Variants in C5 observed in about 807,000 individuals in gnomAD.
C5 encodes C3 and PZP-like alpha-2-macroglobulin domain-containing protein 4.
C5 carries 140 observed loss-of-function variants against 218.8 expected under a neutral mutation model. The observed-to-expected ratio is 0.64, with a 90% CI of 0.56 to 0.74. The LOEUF (loss-of-function observed/expected upper bound fraction) is 0.74, where lower values mean the gene tolerates loss of function less well. Ranked by LOEUF, C5 falls within the 30% of genes least tolerant of loss-of-function variation. The pLI, the probability that C5 is intolerant of heterozygous loss-of-function variation, is 0.00. For synonymous variants in C5, 614 were observed against 682.3 expected, an observed-to-expected ratio of 0.90 and a Z score of 1.56; for missense variants, 1,700 against 1,969.6, an observed-to-expected ratio of 0.86 and a Z score of 2.59.
chr9:121,038,078 GA>G (rs942074038), intron 3 of C5, 127 bp from the exon 4 acceptor site: 1 of 523,616 alleles, frequency 1.9e-6, no homozygotes, highest in Non-Finnish European at 3.5e-6. Context: ...GTCCATATTT[GA>G]AAAAAACAAA....
intron 3 of C5, 28 bp downstream of exon 3, chr9:121,042,976 C>A (rs745798499): frequency 6.3e-7 from 1 of 1,587,904 alleles, no homozygotes; most frequent in South Asian, 1.1e-5. Context: ...AATCCCCCAC[C>A]CAGAGGAAGA....
chr9:121,002,332 A>G (rs1411380574), intron 20 of C5, among the ~76,000 whole-genome samples: 2 of 122,070 alleles, frequency 1.6e-5, no homozygotes, highest in African/African-American at 5.7e-5. Flanking sequence ...ATATATATAT[A>G]TATATATATA....
In C5 at chr9:121,046,257, A is replaced by G. The variant is rs371656197; in HGVS notation, c.192T>C (p.Phe64=). The change falls in exon 2 of 41, where the codon TTT becomes TTC. Residue 64 remains phenylalanine (F), a synonymous_variant. Transcript: ENST00000223642. The part of the protein sequence containing the change: ...ISIKSYPDKK[F]SYSSGHVHLS... Reference sequence around the variant, plus strand: ...AATGAACATGGCCTGAGGAGTAACTAAATTTTTTATCAGGATAACTTTTAA... The same window carrying G: ...AATGAACATGGCCTGAGGAGTAACTGAATTTTTTATCAGGATAACTTTTAA... 4 of 1,608,952 alleles carry G rather than the reference A, an allele frequency of 2.5e-6. No homozygotes were observed. Among genetic ancestry groups the G allele is most frequent in the South Asian group, 2.2e-5 (2 of 90,718 alleles).
intron 2 of C5, among the ~76,000 whole-genome samples, chr9:121,044,759 T>A (rs996827297): frequency 6.6e-5 from 10 of 152,292 alleles, no homozygotes; most frequent in South Asian, 2.1e-4. Flanking sequence ...GACAGAAATA[T>A]TCTATATCTA....
rs2046981467 is a variant in C5 at position 120,980,190 on chromosome 9, C to G, written c.3551G>C (p.Ser1184Thr). 6.2e-7 allele frequency: 1 copy of G among 1,614,092 alleles called. No homozygotes were observed. The highest frequency in any genetic ancestry group is 1.1e-5 in the South Asian group (1 of 91,074). Residue 1184 changes from serine to threonine, a missense_variant, in exon 28 of 41, where the codon AGC becomes ACC. Ser to Thr is a moderately conservative substitution (Grantham distance 58, BLOSUM62 1). Coordinates refer to ENST00000223642, the MANE Select transcript of C5 (RefSeq NM_001735.3). ...CGCAGAAATGGCCAATGTAAAGGTG[C>G]TCTGGGCTGGCAGTGTATTTTCAAG... ...FLLENTLPAQ[S>T]TFTLAISAYA...
chr9:121,039,380 T>C (rs564894051), intron 3 of C5, among the ~76,000 whole-genome samples: 14 of 152,220 alleles, frequency 9.2e-5, no homozygotes, highest in African/African-American at 3.4e-4. Flanking sequence ...GGCTTACACC[T>C]GGAATCCCAG....
chr9:120,984,479 C>T (rs1372517218), intron 25 of C5, among the ~76,000 whole-genome samples: 1 of 152,094 alleles, frequency 6.6e-6, no homozygotes, highest in Non-Finnish European at 1.5e-5. Context: ...GGAAGTCTCT[C>T]TTCTTTTAGC....
chr9:121,068,457 C>T, the C5 span, among the ~76,000 whole-genome samples: 1 of 151,944 alleles, frequency 6.6e-6, no homozygotes, highest in Non-Finnish European at 1.5e-5. Context: ...AACTACAAAA[C>T]ACTGATGGAA....
In C5 at chr9:121,034,958, T is replaced by C. The variant is rs1450183404; in HGVS notation, c.493-64A>G. On this transcript the variant is annotated intron_variant, in intron 4 of 40. Coordinates refer to ENST00000223642, the MANE Select transcript of C5 (RefSeq NM_001735.3). Reference sequence around the variant, plus strand: ...ACATTTTAAAAAATTTAACTGATTATACAATCTTTGATGTACAAAATATTT... The same window carrying C: ...ACATTTTAAAAAATTTAACTGATTACACAATCTTTGATGTACAAAATATTT... The C allele has an allele frequency of 2.2e-5, 17 of 781,000 alleles. No homozygotes were observed. The East Asian group carries it at 4.2e-4, about 19-fold the overall frequency. The allele number at this position is 781,000 out of a possible 1,614,324, so 48.4% of individuals were successfully genotyped here. A position where few individuals can be genotyped will look rare whatever the true frequency, so the allele number is the denominator to read the frequency against.
intron 40 of C5, 44 bp from the exon 41 acceptor site, chr9:120,952,912 A>G (rs1021997536): frequency 1.2e-6 from 2 of 1,607,542 alleles, no homozygotes; most frequent in African/African-American, 2.7e-5. Flanking sequence ...CAAAACAGAA[A>G]AGCTGAATTT....
intron 19 of C5, 140 bp downstream of exon 19, chr9:121,006,764 T>C (rs2047218971): frequency 1.5e-6 from 1 of 656,066 alleles, no homozygotes; most frequent in Non-Finnish European, 2.7e-6. Flanking sequence ...CCAAGTCTTT[T>C]GGTAATACAT....
chr9:121,045,700 T>G (rs1355519545), intron 2 of C5, among the ~76,000 whole-genome samples: 1 of 152,186 alleles, frequency 6.6e-6, no homozygotes, highest in African/African-American at 2.4e-5. Flanking sequence ...AGGTTGTTCT[T>G]TCTATTAACT....
chr9:121,008,414 G>A lies in C5; in HGVS notation c.2342C>T (p.Pro781Leu). The change falls in exon 18 of 41, where the codon CCC becomes CTC. Residue 781 changes from proline to leucine, a missense_variant. Physicochemically the swap from Pro to Leu is moderately conservative, Grantham distance 98. Transcript: ENST00000223642. ...ESWLWEVHLV[P>L]RRKQLQFALP... ...CATGAAAGAAGTATAATACCTTCTGGGAACAAGATGAACTTCCCACAACCA... is the reference window on the plus strand; with the variant it reads ...CATGAAAGAAGTATAATACCTTCTGAGAACAAGATGAACTTCCCACAACCA... 6.2e-7 allele frequency: 1 copy of A among 1,611,426 alleles called. No homozygotes were observed. Among genetic ancestry groups the A allele is most frequent in the Non-Finnish European group, 8.5e-7 (1 of 1,177,834 alleles).
the C5 span, among the ~76,000 whole-genome samples, chr9:121,060,991 C>G: frequency 1.3e-5 from 2 of 152,142 alleles, no homozygotes; most frequent in South Asian, 2.1e-4. Context: ...AGTTCGACAC[C>G]AGCCTGGCCA....
intron 1 of C5, 101 bp downstream of exon 1, chr9:121,050,081 A>G (rs1437775247): frequency 1.8e-5 from 17 of 959,594 alleles, no homozygotes. Flanking sequence ...TGTTCTCAGA[A>G]GTAGCAAGTT....
At chr9:121,063,054 T>C in the C5 span, among the ~76,000 whole-genome samples, 1 of 151,930 alleles carries the variant, frequency 6.6e-6, no homozygotes, top group Non-Finnish European at 1.5e-5. Flanking sequence ...TCTTCAAATA[T>C]TTTTTTCTGT....
chr9:121,065,336 T>C, the C5 span, among the ~76,000 whole-genome samples: 1,056 of 152,254 alleles, frequency 6.9e-3, 12 homozygotes, highest in African/African-American at 0.024. Context: ...GTAGAGAAAA[T>C]TGCGGAGAAA....
Position 120,952,501 on chromosome 9 carries a change from G to A in C5, c.*238C>T, listed in dbSNP as rs536950360. On this transcript the variant is annotated 3_prime_UTR_variant, in exon 41 of 41. Coordinates refer to ENST00000223642, the MANE Select transcript of C5 (RefSeq NM_001735.3). ...GGAGGTGTTCCAATTTATTGTTTCCGGTGTCCAATAACCTTGGAGGAGTAT... is the reference window on the plus strand; with the variant it reads ...GGAGGTGTTCCAATTTATTGTTTCCAGTGTCCAATAACCTTGGAGGAGTAT... The A allele has an allele frequency of 6.0e-5, 25 of 419,748 alleles. No homozygotes were observed. The highest frequency in any genetic ancestry group is 2.1e-4 in the Admixed American group (6 of 28,386). The allele number at this position is 419,748 out of a possible 1,614,324, so 26.0% of individuals were successfully genotyped here.
the C5 span, among the ~76,000 whole-genome samples, chr9:121,058,327 C>A: frequency 6.6e-6 from 1 of 152,046 alleles, no homozygotes; most frequent in Non-Finnish European, 1.5e-5. Context: ...GCAGAAATTT[C>A]GATTTGATTG....
Sources: allele counts gnomAD v4.1 joint callset (sites outside exome capture counted in the v4.1 genomes callset), GRCh38; gene constraint gnomAD v4.1.1; transcripts MANE v1.5; gene names NCBI Gene and HGNC (gene_info 2026-07-23, HGNC 2026-07-21).